The following KCNMB2 variants were observed in gnomAD, a reference collection of about 807,000 sequenced individuals.
KCNMB2 encodes the protein potassium calcium-activated channel subfamily M regulatory beta subunit 2, also known as calcium-activated potassium channel subunit beta-2.
KCNMB2 carries 9 observed loss-of-function variants against 24.5 expected under a neutral mutation model. That is an observed-to-expected ratio of 0.37 (90% confidence interval 0.22 to 0.64). The LOEUF is 0.64. KCNMB2 is among the 30% of genes least tolerant of loss of function. KCNMB2 has a pLI of 0.63. For synonymous variants in KCNMB2, 109 were observed against 104.4 expected (o/e 1.04, Z -0.27); for missense variants, 226 against 284.3 (o/e 0.79, Z 1.47).
At chr3:178,838,724 T>C (rs1045383855) in intron 4 of KCNMB2, among the ~76,000 whole-genome samples, 33 of 152,322 alleles carry the variant, frequency 2.2e-4, no homozygotes, top group African/African-American at 7.7e-4. Context: ...ATTTCAGGCT[T>C]CTACCCCAAA....
intron 1 of KCNMB2, among the ~76,000 whole-genome samples, chr3:178,602,484 G>C (rs1454465476): frequency 1.3e-5 from 2 of 151,622 alleles, no homozygotes; most frequent in Non-Finnish European, 2.9e-5. Context: ...AATAAAGGGG[G>C]TCAATAAAAA....
At chr3:178,614,293 A>ATATATGTATGTATG (rs1560131728) in intron 1 of KCNMB2, among the ~76,000 whole-genome samples, 1 of 85,968 alleles carries the variant, frequency 1.2e-5, no homozygotes, top group African/African-American at 4.4e-5. Context: ...ATATATATAT[A>ATATATGTATGTATG]TATGTATGTA....
At chr3:178,828,508 G>T (rs1289086806) in intron 4 of KCNMB2, 135 bp downstream of exon 4, 2 of 612,158 alleles carry the variant, frequency 3.3e-6, no homozygotes, top group Non-Finnish European at 5.7e-6. Context: ...TCCATTCAGA[G>T]AACTTGCTAT....
intron 1 of KCNMB2, among the ~76,000 whole-genome samples, chr3:178,591,621 C>T (rs563158617): frequency 6.6e-6 from 1 of 152,262 alleles, no homozygotes; most frequent in South Asian, 2.1e-4. Context: ...CCATTGGGAC[C>T]TCCATTGCTG....
intron 1 of KCNMB2, among the ~76,000 whole-genome samples, chr3:178,735,226 G>C (rs930338043): frequency 3.3e-5 from 5 of 152,250 alleles, no homozygotes; most frequent in African/African-American, 1.2e-4. Flanking sequence ...CCCCTGGGCA[G>C]CATCCAGTCT....
intron 4 of KCNMB2, among the ~76,000 whole-genome samples, chr3:178,828,948 T>A (rs926864138): frequency 9.5e-5 from 14 of 147,484 alleles, no homozygotes; most frequent in African/African-American, 1.3e-4. Flanking sequence ...TGTGTGTGTG[T>A]GTGTGTGTGT....
At chr3:178,657,388 T>C (rs1560151931) in intron 1 of KCNMB2, among the ~76,000 whole-genome samples, 1 of 152,248 alleles carries the variant, frequency 6.6e-6, no homozygotes, top group South Asian at 2.1e-4. Flanking sequence ...CCTTTGAAGC[T>C]GGACTGACCT....
intron 1 of KCNMB2, among the ~76,000 whole-genome samples, chr3:178,564,875 C>T (rs1210322599): frequency 6.6e-6 from 1 of 152,090 alleles, no homozygotes; most frequent in African/African-American, 2.4e-5. Flanking sequence ...TTCCTCATTG[C>T]AGCATTATTT....
At chr3:178,563,244 C>A (rs1200414765) in intron 1 of KCNMB2, among the ~76,000 whole-genome samples, 1 of 152,140 alleles carries the variant, frequency 6.6e-6, no homozygotes, top group Non-Finnish European at 1.5e-5. Flanking sequence ...AACTGGGCAG[C>A]CGTTAAGGAT....
chr3:178,843,181 G>C lies in KCNMB2; in HGVS notation c.*244G>C. On this transcript the variant is annotated 3_prime_UTR_variant, in exon 5 of 5. Coordinates refer to ENST00000452583, the MANE Select transcript of KCNMB2 (RefSeq NM_181361.3). ...TAATCTTATTTCTGTACTGGAACTAGTACTTTCTTCTCTCATTCCGCCAAA... is the reference window on the plus strand; with the variant it reads ...TAATCTTATTTCTGTACTGGAACTACTACTTTCTTCTCTCATTCCGCCAAA... 1.7e-6 allele frequency: 1 copy of C among 583,620 alleles called. No individual in the cohort carries two copies. Among genetic ancestry groups the C allele is most frequent in the East Asian group, 3.9e-5 (1 of 25,860 alleles). The allele number at this position is 583,620 out of a possible 1,614,324, so 36.2% of individuals were successfully genotyped here. A position where few individuals can be genotyped will look rare whatever the true frequency, so the allele number is the denominator to read the frequency against.
At chr3:178,820,318 T>A (rs1714576217) in intron 2 of KCNMB2, among the ~76,000 whole-genome samples, 1 of 152,238 alleles carries the variant, frequency 6.6e-6, no homozygotes, top group South Asian at 2.1e-4. Context: ...CTCATTGCCA[T>A]ACACTGCAAT....
At chr3:178,614,247 T>TTATATATATATATATATATATA (rs776751246) in intron 1 of KCNMB2, among the ~76,000 whole-genome samples, 32 of 53,462 alleles carry the variant, frequency 6.0e-4, no homozygotes, top group Non-Finnish European at 1.0e-3. Context: ...TGGGCTAATT[T>TTATATATATATATATATATATA]TATATATATA....
chr3:178,652,617 T>A (rs1720167044), intron 1 of KCNMB2, among the ~76,000 whole-genome samples: 1 of 151,262 alleles, frequency 6.6e-6, no homozygotes, highest in Admixed American at 6.6e-5. Flanking sequence ...TCTTTGCTCC[T>A]TTTTTTTTCT....
intron 4 of KCNMB2, among the ~76,000 whole-genome samples, chr3:178,837,299 T>C (rs1413960222): frequency 6.6e-6 from 1 of 152,204 alleles, no homozygotes; most frequent in African/African-American, 2.4e-5. Flanking sequence ...TTTATGCATA[T>C]TCATCACTTA....
chr3:178,757,944 G>GATAT (rs1408754747), intron 1 of KCNMB2, among the ~76,000 whole-genome samples: 1 of 66,298 alleles, frequency 1.5e-5, no homozygotes, highest in Non-Finnish European at 2.8e-5. Flanking sequence ...TACACAAGGG[G>GATAT]ATATATAGAC....
intron 2 of KCNMB2, among the ~76,000 whole-genome samples, chr3:178,820,025 G>A (rs528278352): frequency 2.2e-4 from 33 of 152,176 alleles, no homozygotes; most frequent in South Asian, 1.0e-3. Flanking sequence ...GAATGTATCC[G>A]TAAGAAAAAT....
At chr3:178,695,366 T>A (rs1177611349) in intron 1 of KCNMB2, among the ~76,000 whole-genome samples, 1 of 152,264 alleles carries the variant, frequency 6.6e-6, no homozygotes, top group African/African-American at 2.4e-5. Flanking sequence ...CCCCATTGTC[T>A]TGGTGATTAG....
chr3:178,688,610 G>A (rs1721553295), intron 1 of KCNMB2, among the ~76,000 whole-genome samples: 1 of 152,014 alleles, frequency 6.6e-6, no homozygotes, highest in African/African-American at 2.4e-5. Context: ...AAATGGTTTT[G>A]TCCAATCTGC....
At chr3:178,563,210 T>C (rs1053443999) in intron 1 of KCNMB2, among the ~76,000 whole-genome samples, 1 of 152,226 alleles carries the variant, frequency 6.6e-6, no homozygotes, top group African/African-American at 2.4e-5. Flanking sequence ...TTTTAGCTTC[T>C]CTTTAGGGGC....
Sources: gnomAD v4.1 joint callset for allele counts (sites outside exome capture counted in the v4.1 genomes callset) on GRCh38, gnomAD v4.1.1 for gene constraint, MANE v1.5 for transcripts, NCBI Gene and HGNC (gene_info 2026-07-23, HGNC 2026-07-21) for gene names.